Variants in CSMD1 observed in about 807,000 individuals in gnomAD.
CSMD1 encodes the protein CUB and Sushi multiple domains 1.
A neutral mutation model predicts 417.5 loss-of-function variants in CSMD1; 213 were observed. The observed-to-expected ratio is 0.51, with a 90% CI of 0.46 to 0.57. The LOEUF is 0.57. CSMD1 is among the 20% of genes least tolerant of loss of function. The probability of loss-of-function intolerance (pLI) is 0.00; values close to 1 mark genes in which losing one functional copy is unlikely to be tolerated. For synonymous variants in CSMD1, 2,862 were observed against 1,736.8 expected (o/e 1.65, Z -16.11); for missense variants, 6,923 against 4,529.7 (o/e 1.53, Z -15.17).
At chr8:4,410,668 A>C (rs1363240743) in intron 3 of CSMD1, among the ~76,000 whole-genome samples, 2 of 152,200 alleles carry the variant, frequency 1.3e-5, no homozygotes, top group Non-Finnish European at 2.9e-5. Context: ...TGCCCCTGAC[A>C]CAAGAGTATA....
At chr8:4,189,348 A>T (rs956462685) in intron 3 of CSMD1, among the ~76,000 whole-genome samples, 16 of 152,224 alleles carry the variant, frequency 1.1e-4, no homozygotes, top group Admixed American at 1.3e-4. Flanking sequence ...TATTAGGAAT[A>T]ATGATAATAA....
At chr8:4,049,371 A>C (rs545199451) in intron 3 of CSMD1, among the ~76,000 whole-genome samples, 8 of 152,066 alleles carry the variant, frequency 5.3e-5, no homozygotes, top group Admixed American at 3.3e-4. Context: ...TCTAACAATC[A>C]AAAATCTCTG....
chr8:4,726,396 G>C lies in CSMD1; in HGVS notation c.86-88838C>G, dbSNP rs115264590. The stretch of plus-strand genomic sequence containing the variant: ...TTCTCTTCTAATGACTAAAAATAGA[G>C]CACTCTACCCTTTAGTGTAGTTCAC... On this transcript the variant is annotated intron_variant, in intron 1 of 69. Transcript: ENST00000635120. Among the ~76,000 whole-genome samples the C allele has an allele frequency of 1.3e-3, 196 of 151,980 alleles. 1 individual carries two copies. The highest frequency in any genetic ancestry group is 4.6e-3 in the African/African-American group (190 of 41,452).
chr8:4,411,064 C>T (rs565076307), intron 3 of CSMD1, among the ~76,000 whole-genome samples: 7 of 152,168 alleles, frequency 4.6e-5, no homozygotes, highest in South Asian at 2.1e-4. Flanking sequence ...CCACTCCACC[C>T]GTTTATGAGG....
intron 3 of CSMD1, among the ~76,000 whole-genome samples, chr8:4,091,601 C>G (rs1585294941): frequency 1.3e-5 from 2 of 152,122 alleles, no homozygotes; most frequent in South Asian, 2.1e-4. Flanking sequence ...GGACATACAC[C>G]TCACATAGAG....
rs186389654 is a variant in CSMD1 at position 3,739,338 on chromosome 8, G to A, written c.931+14592C>T. 2.8e-3 allele frequency among the ~76,000 whole-genome samples: 427 copies of A among 152,212 alleles called. 3 individuals are homozygous for A. Among genetic ancestry groups the A allele is most frequent in the Non-Finnish European group, 3.2e-3 (221 of 68,018 alleles). On this transcript the variant is annotated intron_variant, in intron 6 of 69. Transcript: ENST00000635120. ...GGATGAATCTGTTCTAGTGTTCTAT[G>A]GCACCACAGTGTGACTGTAGTTAAC...
chr8:3,501,251 C>T (rs1172942066), intron 10 of CSMD1, among the ~76,000 whole-genome samples: 3 of 152,122 alleles, frequency 2.0e-5, no homozygotes, highest in African/African-American at 7.2e-5. Flanking sequence ...CATGCTCACA[C>T]ACACAGGCAC....
intron 30 of CSMD1, among the ~76,000 whole-genome samples, chr8:3,210,821 C>G (rs1277376576): frequency 6.6e-6 from 1 of 151,698 alleles, no homozygotes; most frequent in East Asian, 1.9e-4. Flanking sequence ...CCCACAAATT[C>G]AACTGTAATT....
intron 3 of CSMD1, among the ~76,000 whole-genome samples, chr8:4,166,355 C>A (rs1198544236): frequency 6.6e-6 from 1 of 152,128 alleles, no homozygotes; most frequent in Non-Finnish European, 1.5e-5. Flanking sequence ...TATACACCTA[C>A]AGCACATGTT....
At chr8:4,223,705 T>G (rs1169739365) in intron 3 of CSMD1, among the ~76,000 whole-genome samples, 1 of 152,234 alleles carries the variant, frequency 6.6e-6, no homozygotes, top group Non-Finnish European at 1.5e-5. Flanking sequence ...CCTGAATATT[T>G]TTTTGTTATC....
chr8:2,942,509 T>C lies in CSMD1; in HGVS notation c.10498A>G (p.Ile3500Val). ...AGGTAAAATGCAAACCCTGATAAAA[T>C]TAGAGCAAAGAAAGGAACCAGAATG... is the stretch of plus-strand genomic sequence containing the variant. ...AAILVPFFALILSGFAFYLYK... is the reference protein window; with the variant it reads ...AAILVPFFALVLSGFAFYLYK... Residue 3500 changes from isoleucine to valine, a missense_variant, in exon 69 of 70, where the codon ATT (isoleucine) becomes GTT (valine). Ile to Val is a conservative substitution (Grantham distance 29, BLOSUM62 3). Coordinates refer to ENST00000635120, the MANE Select transcript of CSMD1 (RefSeq NM_033225.6). The C allele has an allele frequency of 6.2e-7, 1 of 1,612,936 alleles. No homozygotes were observed. The highest frequency in any genetic ancestry group is 8.5e-7 in the Non-Finnish European group (1 of 1,179,464).
chr8:3,345,628 C>CT (rs1321566887), intron 22 of CSMD1, among the ~76,000 whole-genome samples: 1 of 152,150 alleles, frequency 6.6e-6, no homozygotes, highest in Non-Finnish European at 1.5e-5. Context: ...TCAAAGGGTT[C>CT]TTTTCAGTTA....
chr8:3,049,473 G>A (rs143963746), intron 50 of CSMD1, among the ~76,000 whole-genome samples: 2,420 of 152,224 alleles, frequency 0.016, 25 homozygotes, highest in East Asian at 0.031. Context: ...AGTGAAAGAA[G>A]CCAATCTGAA....
intron 49 of CSMD1, among the ~76,000 whole-genome samples, chr8:3,054,642 T>C (rs1307418354): frequency 6.6e-6 from 1 of 151,716 alleles, no homozygotes; most frequent in Non-Finnish European, 1.5e-5. Context: ...AACACATGCG[T>C]GTGTGTGTGT....
intron 5 of CSMD1, among the ~76,000 whole-genome samples, chr8:3,872,856 G>T (rs1051760502): frequency 6.9e-6 from 1 of 144,978 alleles, no homozygotes; most frequent in African/African-American, 2.5e-5. Flanking sequence ...AAAAAAGAAA[G>T]AAAAAAGAAA....
intron 2 of CSMD1, among the ~76,000 whole-genome samples, chr8:4,543,110 T>C (rs1338506194): frequency 6.6e-6 from 1 of 152,226 alleles, no homozygotes; most frequent in Non-Finnish European, 1.5e-5. Context: ...CCTGCATTAG[T>C]GTGGCACATT....
chr8:3,894,248 T>G (rs185348791), intron 5 of CSMD1, among the ~76,000 whole-genome samples: 9 of 152,156 alleles, frequency 5.9e-5, no homozygotes, highest in Non-Finnish European at 1.0e-4. Context: ...TGTCAACATC[T>G]GCAGTCCCAT....
chr8:3,331,965 T>C (rs993547378), intron 23 of CSMD1, among the ~76,000 whole-genome samples: 1 of 152,114 alleles, frequency 6.6e-6, no homozygotes, highest in Non-Finnish European at 1.5e-5. Flanking sequence ...AAACAGATCA[T>C]AGATAAATAA....
At chr8:3,265,100 C>G (rs117835512) in intron 26 of CSMD1, among the ~76,000 whole-genome samples, 2 of 152,106 alleles carry the variant, frequency 1.3e-5, no homozygotes, top group Non-Finnish European at 2.9e-5. Context: ...GCTCTTGTAG[C>G]TGGCACCATG....
Sources: gnomAD v4.1 joint callset for allele counts (sites outside exome capture counted in the v4.1 genomes callset) on GRCh38, gnomAD v4.1.1 for gene constraint, MANE v1.5 for transcripts, NCBI Gene and HGNC (gene_info 2026-07-23, HGNC 2026-07-21) for gene names.